The following PLCB4 variants were observed in gnomAD, a reference collection of about 807,000 sequenced individuals.
The protein encoded by PLCB4 is 1-phosphatidylinositol 4,5-bisphosphate phosphodiesterase beta-4.
Under a neutral mutation model 178.8 loss-of-function variants are expected in PLCB4, and 77 were observed. That is an observed-to-expected ratio of 0.43 (90% CI 0.36 to 0.52). The LOEUF (loss-of-function observed/expected upper bound fraction) is 0.52. PLCB4 is among the 20% of genes least tolerant of loss of function. The pLI is 0.00. For missense variants in PLCB4, 1,024 were observed against 1,453.4 expected (o/e 0.70, Z 4.80); for synonymous variants, 496 against 490.8 (o/e 1.01, Z -0.14).
chr20:9,374,227 A>G (rs1424712160), intron 12 of PLCB4, among the ~76,000 whole-genome samples: 1 of 152,198 alleles, frequency 6.6e-6, no homozygotes, highest in Non-Finnish European at 1.5e-5. Flanking sequence ...CCTACCCCAC[A>G]TATCAGACAG....
At chr20:9,413,339 C>A (rs889933718) in intron 25 of PLCB4, among the ~76,000 whole-genome samples, 2 of 151,938 alleles carry the variant, frequency 1.3e-5, no homozygotes, top group African/African-American at 4.8e-5. Context: ...ACGGCTCGGC[C>A]CAGTGGCTCA....
intron 38 of PLCB4, among the ~76,000 whole-genome samples, chr20:9,474,525 A>C (rs1276143243): frequency 6.6e-6 from 1 of 152,148 alleles, no homozygotes; most frequent in African/African-American, 2.4e-5. Flanking sequence ...AGAGGTTTTG[A>C]TGAAATATGT....
chr20:9,347,505 A>G (rs759225665), intron 7 of PLCB4, among the ~76,000 whole-genome samples: 4 of 152,238 alleles, frequency 2.6e-5, no homozygotes, highest in Non-Finnish European at 5.9e-5. Context: ...TGGCATTTTA[A>G]ATGAAAGATA....
rs374155979 is a variant in PLCB4, at chr20:9,376,178, G to A, written c.744+3074G>A. ...ATTTCCTTGTTCGTTGCTCCCCAAA[G>A]TGTGATCCATGGACCAGCAGCATCG... On this transcript the variant is annotated intron_variant, in intron 12 of 39. Coordinates refer to ENST00000378473, the MANE Select transcript of PLCB4 (RefSeq NM_001377142.1). Among the ~76,000 whole-genome samples, 12 of 152,192 alleles carry A rather than the reference G, an allele frequency of 7.9e-5. 1 individual carries two copies. In the East Asian group the frequency reaches 1.9e-3, roughly 25 times the overall value.
At chr20:9,167,261 G>A (rs1033254427) in intron 2 of PLCB4, among the ~76,000 whole-genome samples, 2 of 151,494 alleles carry the variant, frequency 1.3e-5, no homozygotes, top group Non-Finnish European at 2.9e-5. Flanking sequence ...AAGAAATGAG[G>A]TCTATTAAAA....
chr20:9,104,552 C>T (rs944030730), intron 2 of PLCB4, among the ~76,000 whole-genome samples: 1 of 152,090 alleles, frequency 6.6e-6, no homozygotes, highest in South Asian at 2.1e-4. Context: ...ATTCAATTTC[C>T]TAGAACATAG....
intron 9 of PLCB4, among the ~76,000 whole-genome samples, chr20:9,367,632 C>T (rs533819051): frequency 8.6e-4 from 131 of 152,284 alleles, no homozygotes; most frequent in Non-Finnish European, 1.6e-3. Context: ...GCCTTACTAT[C>T]CTGCTTTTTC....
intron 20 of PLCB4, among the ~76,000 whole-genome samples, chr20:9,404,338 G>A (rs2039273194): frequency 1.3e-5 from 2 of 152,134 alleles, no homozygotes; most frequent in Non-Finnish European, 2.9e-5. Flanking sequence ...TTTGTCTGAT[G>A]AGCAAAGCCA....
intron 1 of PLCB4, among the ~76,000 whole-genome samples, chr20:9,094,511 A>C (rs2090823254): frequency 6.6e-6 from 1 of 152,154 alleles, no homozygotes; most frequent in South Asian, 2.1e-4. Context: ...ATTCCCATCA[A>C]ATGAACATTT....
At chr20:9,230,200 A>G (rs1429526107) in intron 3 of PLCB4, among the ~76,000 whole-genome samples, 1 of 152,166 alleles carries the variant, frequency 6.6e-6, no homozygotes, top group African/African-American at 2.4e-5. Flanking sequence ...TAAAAACACC[A>G]ATCACACTGG....
chr20:9,280,505 G>C (rs1339225121), intron 3 of PLCB4: 1 of 967,648 alleles, frequency 1.0e-6, no homozygotes, highest in Non-Finnish European at 1.2e-6. Flanking sequence ...ATTTCACTGG[G>C]TTTCTCATCC....
intron 21 of PLCB4, 38 bp from the exon 22 acceptor site, chr20:9,407,879 A>T: frequency 6.3e-7 from 1 of 1,583,224 alleles, no homozygotes; most frequent in Non-Finnish European, 8.6e-7. Flanking sequence ...GTCCTACTGA[A>T]GTCATCAACT....
At chr20:9,099,897 A>G (rs575417816) in intron 2 of PLCB4, among the ~76,000 whole-genome samples, 1 of 152,280 alleles carries the variant, frequency 6.6e-6, no homozygotes, top group East Asian at 1.9e-4. Context: ...TATTGTGTGT[A>G]CAGTAGACAT....
At chr20:9,152,124 G>A (rs1300803791) in intron 2 of PLCB4, among the ~76,000 whole-genome samples, 1 of 152,262 alleles carries the variant, frequency 6.6e-6, no homozygotes, top group East Asian at 1.9e-4. Flanking sequence ...TGCTGTTAAA[G>A]GCTTTCAGTT....
At chr20:9,326,655 C>G (rs930191658) in intron 4 of PLCB4, among the ~76,000 whole-genome samples, 1 of 152,158 alleles carries the variant, frequency 6.6e-6, no homozygotes, top group Non-Finnish European at 1.5e-5. Context: ...TATACCCCAA[C>G]ATGCACTTGA....
intron 33 of PLCB4, among the ~76,000 whole-genome samples, chr20:9,454,330 G>T (rs1027936759): frequency 6.6e-6 from 1 of 152,184 alleles, no homozygotes. Context: ...ACAGGTTTCT[G>T]CACTGTCAGA....
At chr20:9,402,504 A>G (rs2039103405) in intron 20 of PLCB4, among the ~76,000 whole-genome samples, 1 of 152,212 alleles carries the variant, frequency 6.6e-6, no homozygotes, top group Admixed American at 6.5e-5. Context: ...CACTACTGAA[A>G]AAGTTTAGAG....
intron 3 of PLCB4, among the ~76,000 whole-genome samples, chr20:9,293,863 G>A (rs1405840945): frequency 6.6e-6 from 1 of 152,050 alleles, no homozygotes; most frequent in African/African-American, 2.4e-5. Flanking sequence ...GTTTAGGGGA[G>A]TAAATAACCA....
At chr20:9,098,514 G>A (rs1358793756) in intron 2 of PLCB4, among the ~76,000 whole-genome samples, 2 of 151,906 alleles carry the variant, frequency 1.3e-5, no homozygotes, top group Non-Finnish European at 1.5e-5. Flanking sequence ...TCTGGAAAAG[G>A]CTCCTCAGCT....
Sources: gnomAD v4.1 joint callset for allele counts (sites outside exome capture counted in the v4.1 genomes callset) on GRCh38, gnomAD v4.1.1 for gene constraint, MANE v1.5 for transcripts, NCBI Gene and HGNC (gene_info 2026-07-23, HGNC 2026-07-21) for gene names.